The following CNTLN variants were observed in gnomAD, a reference collection of about 807,000 sequenced individuals.
CNTLN encodes centlein, centrosomal protein.
A neutral mutation model predicts 180.0 loss-of-function variants in CNTLN; 212 were observed. That is an observed-to-expected ratio of 1.18 (90% CI 1.05 to 1.32). CNTLN has a LOEUF of 1.32. CNTLN is among the 40% of genes most tolerant of loss of function. The probability of loss-of-function intolerance (pLI) is 0.00; values close to 1 mark genes in which losing one functional copy is unlikely to be tolerated. For missense variants in CNTLN, 2,095 were observed against 1,610.9 expected, an observed-to-expected ratio of 1.30 and a Z score of -5.14; for synonymous variants, 722 against 563.1, an observed-to-expected ratio of 1.28 and a Z score of -3.99.
At chr9:17,258,190 A>C (rs537705280) in intron 5 of CNTLN, among the ~76,000 whole-genome samples, 71 of 145,874 alleles carry the variant, frequency 4.9e-4, no homozygotes, top group South Asian at 2.7e-3. Context: ...TCAGCTTTCT[A>C]CATATGGCTA....
chr9:17,215,116 G>T (rs1325144160), intron 2 of CNTLN, among the ~76,000 whole-genome samples: 1 of 152,220 alleles, frequency 6.6e-6, no homozygotes, highest in African/African-American at 2.4e-5. Context: ...TCCTTTGGAG[G>T]AGGAGAGGAG....
At chr9:17,156,955 T>A (rs2131558105) in intron 2 of CNTLN, among the ~76,000 whole-genome samples, 1 of 152,308 alleles carries the variant, frequency 6.6e-6, no homozygotes, top group Admixed American at 6.5e-5. Context: ...TGTATTTAAA[T>A]TTGTAATTAT....
At chr9:17,274,344 T>A (rs1433856844) in intron 6 of CNTLN, among the ~76,000 whole-genome samples, 2 of 152,084 alleles carry the variant, frequency 1.3e-5, no homozygotes, top group East Asian at 3.8e-4. Context: ...CTTGTATTTC[T>A]GTTTTTTAAA....
chr9:17,370,917 A>G lies in CNTLN; in HGVS notation c.1987+4200A>G, dbSNP rs140714810. Among the ~76,000 whole-genome samples, 320 of 152,270 alleles carry G rather than the reference A, an allele frequency of 2.1e-3. 1 individual carries two copies. Among genetic ancestry groups the G allele is most frequent in the African/African-American group, 7.3e-3 (305 of 41,574 alleles). On this transcript the variant is annotated intron_variant, in intron 13 of 25. Coordinates refer to ENST00000380647, the MANE Select transcript of CNTLN (RefSeq NM_017738.4). ...TATCCCATATATATAATGGGTTGCA[A>G]CATTCATTGTAACCTCAAATCAAAA...
chr9:17,459,547 A>C (rs1399314281), intron 19 of CNTLN, among the ~76,000 whole-genome samples: 6 of 151,822 alleles, frequency 4.0e-5, no homozygotes, highest in African/African-American at 1.4e-4. Flanking sequence ...TCTACTACTA[A>C]AAATTTTTGT....
intron 2 of CNTLN, among the ~76,000 whole-genome samples, chr9:17,206,727 C>A (rs1469781158): frequency 1.3e-5 from 2 of 152,196 alleles, no homozygotes; most frequent in African/African-American, 4.8e-5. Context: ...AAACAGTGGT[C>A]ACCAAGTCCT....
intron 2 of CNTLN, among the ~76,000 whole-genome samples, chr9:17,160,820 T>A (rs59274061): frequency 0.019 from 2,888 of 152,274 alleles, 57 homozygotes; most frequent in African/African-American, 0.05. Context: ...TGTTGCAAAG[T>A]AACCTGACTG....
At chr9:17,186,212 T>A (rs139306945) in intron 2 of CNTLN, among the ~76,000 whole-genome samples, 5 of 152,188 alleles carry the variant, frequency 3.3e-5, no homozygotes, top group African/African-American at 1.2e-4. Context: ...TGAGTAGAGA[T>A]GAATTCCTTG....
At chr9:17,254,481 T>G (rs2132300977) in intron 5 of CNTLN, among the ~76,000 whole-genome samples, 1 of 151,004 alleles carries the variant, frequency 6.6e-6, no homozygotes, top group Non-Finnish European at 1.5e-5. Flanking sequence ...TTCTTTTGTG[T>G]GTATGGTGTA....
rs552024453 is a variant in CNTLN, at chr9:17,484,355, A to T, written c.3916A>T (p.Lys1306Ter). 3.7e-6 allele frequency: 6 copies of T among 1,612,076 alleles called. No homozygotes were observed. Among genetic ancestry groups the T allele is most frequent in the African/African-American group, 1.3e-5 (1 of 74,790 alleles). ...HVVRRQIREL[K>*]KMKKNRDACK... The stretch of plus-strand genomic sequence containing the variant: ...GGTAAGGCGACAAATAAGAGAGCTT[A>T]AAAAAATGAAGAAAAACAGGGACGC... Residue 1306 changes from lysine (K) to a stop codon, truncating the protein, a stop_gained, in exon 24 of 26, where the codon AAA becomes TAA. Coordinates refer to ENST00000380647, the MANE Select transcript of CNTLN (RefSeq NM_017738.4). LOFTEE classifies it high-confidence loss of function.
chr9:17,258,027 T>G (rs199631802), intron 5 of CNTLN, among the ~76,000 whole-genome samples: 3 of 150,590 alleles, frequency 2.0e-5, no homozygotes, highest in Non-Finnish European at 2.9e-5. Flanking sequence ...ATTGCTTTTG[T>G]TGTTTCAGAC....
At chr9:17,422,040 T>A (rs1043027922) in intron 18 of CNTLN, among the ~76,000 whole-genome samples, 1 of 152,210 alleles carries the variant, frequency 6.6e-6, no homozygotes, top group Admixed American at 6.5e-5. Context: ...TCTTTCAGGT[T>A]GTAGAACTCC....
At chr9:17,209,453 A>T (rs1313693537) in intron 2 of CNTLN, among the ~76,000 whole-genome samples, 1 of 152,194 alleles carries the variant, frequency 6.6e-6, no homozygotes, top group Non-Finnish European at 1.5e-5. Flanking sequence ...TGCAGTGCAG[A>T]TGAAGTCCAG....
intron 18 of CNTLN, among the ~76,000 whole-genome samples, chr9:17,429,427 T>C (rs1033862477): frequency 6.6e-6 from 1 of 152,034 alleles, no homozygotes; most frequent in African/African-American, 2.4e-5. Flanking sequence ...ATTCTTCAAT[T>C]AATCATCTTC....
intron 23 of CNTLN, among the ~76,000 whole-genome samples, chr9:17,483,581 G>C (rs115340313): frequency 6.6e-6 from 1 of 152,156 alleles, no homozygotes. Context: ...AGCTCACAAA[G>C]CCATGTATTG....
intron 8 of CNTLN, among the ~76,000 whole-genome samples, chr9:17,322,477 G>A (rs917799520): frequency 6.6e-6 from 1 of 152,102 alleles, no homozygotes; most frequent in Non-Finnish European, 1.5e-5. Context: ...CTTACTTTAA[G>A]TTCCAAGCAG....
intron 2 of CNTLN, among the ~76,000 whole-genome samples, chr9:17,146,263 G>A (rs979897400): frequency 2.6e-5 from 4 of 151,982 alleles, no homozygotes; most frequent in African/African-American, 9.7e-5. Context: ...TGGATCTTAT[G>A]GATTTGACCT....
chr9:17,320,373 C>T (rs1819823748), intron 8 of CNTLN, among the ~76,000 whole-genome samples: 1 of 137,238 alleles, frequency 7.3e-6, no homozygotes, highest in Admixed American at 7.9e-5. Context: ...TATCTATGTA[C>T]TCTTTCCTGA....
At chr9:17,470,295 T>C (rs1376615230) in intron 23 of CNTLN, among the ~76,000 whole-genome samples, 1 of 151,918 alleles carries the variant, frequency 6.6e-6, no homozygotes, top group Non-Finnish European at 1.5e-5. Context: ...TGTGCATTCC[T>C]TAATGAGCGT....
Sources: allele counts gnomAD v4.1 joint callset (sites outside exome capture counted in the v4.1 genomes callset), GRCh38; gene constraint gnomAD v4.1.1; transcripts MANE v1.5; gene names NCBI Gene and HGNC (gene_info 2026-07-23, HGNC 2026-07-21).